EPB41L1: variants seen among roughly 807,000 people sequenced by gnomAD.
EPB41L1 encodes erythrocyte membrane protein band 4.1 like 1.
Under a neutral mutation model 97.8 loss-of-function variants are expected in EPB41L1, and 29 were observed. That is an observed-to-expected ratio of 0.30 (90% CI 0.22 to 0.40). The LOEUF is 0.40. Among genes scored for constraint, EPB41L1 ranks in the 10% least tolerant of loss-of-function variants. The pLI, the probability that EPB41L1 is intolerant of heterozygous loss-of-function variation, is 1.00. For missense variants in EPB41L1, 812 were observed against 1,162.3 expected (o/e 0.70, Z 4.38); for synonymous variants, 383 against 459.2 (o/e 0.83, Z 2.12).
intron 2 of EPB41L1, among the ~76,000 whole-genome samples, chr20:36,145,395 CAAAA>C (rs1188803832): frequency 6.1e-5 from 4 of 65,640 alleles, no homozygotes; most frequent in Admixed American, 1.8e-4. Context: ...GACTCCATCT[CAAAA>C]AAAAAAAAAA....
intron 2 of EPB41L1, among the ~76,000 whole-genome samples, chr20:36,121,022 G>A (rs1017911729): frequency 6.7e-6 from 1 of 149,546 alleles, no homozygotes; most frequent in Non-Finnish European, 1.5e-5. Flanking sequence ...GAGATGTGCC[G>A]CCTTCAAACC....
At chr20:36,140,231 G>T (rs1015217606) in intron 2 of EPB41L1, among the ~76,000 whole-genome samples, 11 of 121,352 alleles carry the variant, frequency 9.1e-5, no homozygotes, top group Admixed American at 2.6e-4. Flanking sequence ...CTTTTTGTAT[G>T]TTTTTTTTTT....
chr20:36,097,347 C>A (rs1486462189), intron 1 of EPB41L1, among the ~76,000 whole-genome samples: 1 of 152,138 alleles, frequency 6.6e-6, no homozygotes, highest in Non-Finnish European at 1.5e-5. Flanking sequence ...TTCCTCATTT[C>A]CTTACTTGTA....
chr20:36,194,642 T>C (rs1173667434), intron 12 of EPB41L1, among the ~76,000 whole-genome samples: 2 of 152,158 alleles, frequency 1.3e-5, no homozygotes, highest in African/African-American at 4.8e-5. Flanking sequence ...AGGCCTCCTT[T>C]TGCACACTCT....
At chr20:36,132,084 G>A (rs55962759) in intron 2 of EPB41L1, among the ~76,000 whole-genome samples, 3 of 152,206 alleles carry the variant, frequency 2.0e-5, no homozygotes, top group Non-Finnish European at 2.9e-5. Flanking sequence ...GGGCGTTTCA[G>A]TCTGGAGGGA....
At chr20:36,124,791 T>C (rs1249389397) in intron 2 of EPB41L1, among the ~76,000 whole-genome samples, 1 of 152,188 alleles carries the variant, frequency 6.6e-6, no homozygotes, top group African/African-American at 2.4e-5. Context: ...GAATGAATTG[T>C]AAGGAAATGA....
In EPB41L1 at chr20:36,206,370, C is replaced by T. The variant is rs2062806929; in HGVS notation, c.1669-3118C>T. The stretch of plus-strand genomic sequence containing the variant: ...AGGTGGACGTCCTCTCTCCAGCCTC[C>T]GACAAGGGAGGACTCCAGTCGTTTC... On this transcript the variant is annotated intron_variant, in intron 14 of 21. Transcript: ENST00000338074. The surrounding 1 kb of genome is among the most constrained non-coding windows in gnomAD (Gnocchi z 5.5). The T allele has an allele frequency of 7.0e-6, 9 of 1,289,916 alleles. 1 individual carries two copies. Among genetic ancestry groups the T allele is most frequent in the Middle Eastern group, 2.1e-4 (1 of 4,698 alleles). 79.9% of individuals were successfully genotyped at this position (1,289,916 alleles called of 1,614,324 possible).
At chr20:36,192,314 C>T (rs1211812711) in intron 11 of EPB41L1, among the ~76,000 whole-genome samples, 1 of 151,952 alleles carries the variant, frequency 6.6e-6, no homozygotes, top group African/African-American at 2.4e-5. Flanking sequence ...AGGTGGATCA[C>T]GAGGTCCAGA....
intron 19 of EPB41L1, among the ~76,000 whole-genome samples, chr20:36,221,497 C>T (rs554933269): frequency 1.3e-5 from 2 of 152,226 alleles, no homozygotes; most frequent in East Asian, 1.9e-4. Flanking sequence ...TGAACAAGGC[C>T]ACAGACATAC....
Position 36,214,346 on chromosome 20 carries a change from C to T in EPB41L1, c.2185-11C>T. ...GCTCTCCCCAGCTCTAACGACTCCT[C>T]CTCTGGTCAGCAGGTTGATGGGAGT... On this transcript the variant is annotated splice_polypyrimidine_tract_variant and intron_variant, in intron 16 of 21. Coordinates refer to ENST00000338074, the MANE Select transcript of EPB41L1 (RefSeq NM_012156.2). 1 of 1,613,196 alleles carries T rather than the reference C, an allele frequency of 6.2e-7. No individual in the cohort carries two copies. Among genetic ancestry groups the T allele is most frequent in the Non-Finnish European group, 8.5e-7 (1 of 1,179,398 alleles).
intron 2 of EPB41L1, among the ~76,000 whole-genome samples, chr20:36,122,938 G>GT (rs1202202398): frequency 6.6e-6 from 1 of 152,120 alleles, no homozygotes; most frequent in Non-Finnish European, 1.5e-5. Context: ...GGTAAAATGA[G>GT]TGCCTCGACC....
intron 3 of EPB41L1, among the ~76,000 whole-genome samples, chr20:36,177,618 T>C (rs1202277045): frequency 6.6e-6 from 1 of 152,234 alleles, no homozygotes; most frequent in East Asian, 1.9e-4. Flanking sequence ...CCCTTCGGTC[T>C]AAGTTAGCCT....
chr20:36,199,985 C>T (rs1384692286), intron 14 of EPB41L1, among the ~76,000 whole-genome samples: 2 of 152,152 alleles, frequency 1.3e-5, no homozygotes, highest in Non-Finnish European at 2.9e-5. Flanking sequence ...CTCCACCTCC[C>T]AGCCCTGCTC....
In EPB41L1 at chr20:36,219,792, A is replaced by G; in HGVS notation, c.2387A>G (p.Tyr796Cys). Residue 796 changes from tyrosine to cysteine, a missense_variant, in exon 19 of 22, where the codon TAC (tyrosine) becomes TGC (cysteine). This residue lies in a region of EPB41L1 where 498 missense variants were observed against 622.7 expected (regional missense o/e 0.80). Transcript: ENST00000338074. Reference protein sequence around the residue: ...IIGKDVLTSTYGATAETLSTS... With the variant: ...IIGKDVLTSTCGATAETLSTS... The stretch of plus-strand genomic sequence containing the variant: ...GGGAAAGATGTCCTCACCAGCACCT[A>G]CGGCGCCACTGCGGAAACCCTCTCA... 2 of 1,614,084 alleles carry G rather than the reference A, an allele frequency of 1.2e-6. No homozygotes were observed.
chr20:36,134,640 A>C (rs1365240807), intron 2 of EPB41L1, among the ~76,000 whole-genome samples: 1 of 152,120 alleles, frequency 6.6e-6, no homozygotes, highest in Non-Finnish European at 1.5e-5. Flanking sequence ...TTGAGAATAA[A>C]GAGTGGAGGA....
chr20:36,143,679 C>A (rs2059729075), intron 2 of EPB41L1, among the ~76,000 whole-genome samples: 1 of 151,540 alleles, frequency 6.6e-6, no homozygotes, highest in Admixed American at 6.6e-5. Flanking sequence ...TCTCTTGATA[C>A]CTGAAAGATG....
At position 36,140,231 on chromosome 20, in the gene EPB41L1, G is replaced by GT. The variant is rs756465286; in HGVS notation, c.-10+27770dup. On this transcript the variant is annotated intron_variant, in intron 2 of 19. Transcript: ENST00000202028. The stretch of plus-strand genomic sequence containing the variant: ...CACCACACCTGGCTACTTTTTGTAT[G>GT]TTTTTTTTTTTTTTTTTTTAGTAGG... 5.6e-3 allele frequency among the ~76,000 whole-genome samples: 678 copies of GT among 121,352 alleles called. 1 individual carries two copies. Among genetic ancestry groups the GT allele is most frequent in the South Asian group, 0.012 (41 of 3,542 alleles). 79.6% of individuals were successfully genotyped at this position (121,352 alleles called of 152,430 possible).
chr20:36,140,914 G>C (rs6060817), intron 2 of EPB41L1, among the ~76,000 whole-genome samples: 1 of 152,040 alleles, frequency 6.6e-6, no homozygotes, highest in Non-Finnish European at 1.5e-5. Context: ...AGGATGTCTC[G>C]TTGCTAAGAT....
chr20:36,221,072 G>A (rs1044979565), intron 19 of EPB41L1, among the ~76,000 whole-genome samples: 1 of 152,156 alleles, frequency 6.6e-6, no homozygotes, highest in East Asian at 1.9e-4. Flanking sequence ...TACATCCCAC[G>A]CCCACAGCAG....
Sources: allele counts gnomAD v4.1 joint callset (sites outside exome capture counted in the v4.1 genomes callset), GRCh38; gene constraint gnomAD v4.1.1; regional missense constraint gnomAD v4.1.1; non-coding constraint Gnocchi (gnomAD v3.1); transcripts MANE v1.5; gene names NCBI Gene and HGNC (gene_info 2026-07-23, HGNC 2026-07-21).